The following MBD3 variants were observed in gnomAD, a reference collection of about 807,000 sequenced individuals.
The protein encoded by MBD3 is methyl-CpG binding domain protein 3.
A neutral mutation model predicts 31.2 loss-of-function variants in MBD3; 13 were observed. The observed-to-expected ratio is 0.42, with a 90% CI of 0.27 to 0.66. MBD3 has a LOEUF of 0.66. MBD3 is among the 30% of genes least tolerant of loss of function. The pLI is 0.26. For synonymous variants in MBD3, 223 were observed against 187.4 expected, an observed-to-expected ratio of 1.19 and a Z score of -1.55; for missense variants, 440 against 426.5, an observed-to-expected ratio of 1.03 and a Z score of -0.28.
Position 1,592,687 on chromosome 19 carries a change from T to TCGC in MBD3, c.-59_-57dup, listed in dbSNP as rs1360632181. On this transcript the variant is annotated 5_prime_UTR_variant, in exon 1 of 7. Transcript: ENST00000434436. ...CCGCCGCCGCCGCCCGGACCCCCAC[T>TCGC]CGCCGCCGCCGCCTCAGCTGCCTCC... 4 of 642,078 alleles carry TCGC rather than the reference T, an allele frequency of 6.2e-6. No homozygotes were observed. Among genetic ancestry groups the TCGC allele is most frequent in the African/African-American group, 4.1e-5 (2 of 49,082 alleles). The allele number at this position is 642,078 out of a possible 1,614,324, so 39.8% of individuals were successfully genotyped here.
chr19:1,592,393 G>GACGC lies in MBD3; in HGVS notation c.110+125_110+128dup, dbSNP rs546279272. The GACGC allele has an allele frequency of 4.9e-3, 1,092 of 222,168 alleles. 17 individuals are homozygous for GACGC. The highest frequency in any genetic ancestry group is 0.022 in the African/African-American group (916 of 42,236). The allele number at this position is 222,168 out of a possible 1,614,324, so 13.8% of individuals were successfully genotyped here. ...GCGCGCCGGGCGCACACGCACGCAA[G>GACGC]ACGCACGCACGCACGCACGACGCAC... On this transcript the variant is annotated intron_variant, in intron 1 of 6. Coordinates refer to ENST00000434436, the MANE Select transcript of MBD3 (RefSeq NM_001281453.2).
rs770739351 is a variant in MBD3, at chr19:1,581,160, G to T, written c.609C>A (p.Asn203Lys). The change falls in exon 5 of 7, where the codon AAC (asparagine) becomes AAA (lysine). Residue 203 changes from asparagine (N) to lysine (K), a missense_variant. Transcript: ENST00000434436. ...TGQLSAAVEK[N>K]PGVWLNTTQP... is the part of the protein sequence containing the mutation. ...GCGTGGTGTTGAGCCATACGCCGGG[G>T]TTCTTCTCCACGGCGGCCGAGAGCT... 6.2e-7 allele frequency: 1 copy of T among 1,614,166 alleles called. No homozygotes were observed. Among genetic ancestry groups the T allele is most frequent in the Non-Finnish European group, 8.5e-7 (1 of 1,180,034 alleles).
In MBD3 at chr19:1,576,873, G is replaced by A. The variant is rs986374659; in HGVS notation, c.*1291C>T. The stretch of plus-strand genomic sequence containing the variant: ...CCTTGAGCCCGTCCTGAGGATTTGT[G>A]CTTTGACTCTGACAGGGAGCAGCAG... On this transcript the variant is annotated 3_prime_UTR_variant, in exon 7 of 7. Coordinates refer to ENST00000434436, the MANE Select transcript of MBD3 (RefSeq NM_001281453.2). 2.6e-5 allele frequency: 4 copies of A among 152,342 alleles called. No individual in the cohort carries two copies. The highest frequency in any genetic ancestry group is 6.5e-5 in the Admixed American group (1 of 15,292). The allele number at this position is 152,342 out of a possible 1,614,324, so 9.4% of individuals were successfully genotyped here.
chr19:1,578,259 C>G lies in MBD3; in HGVS notation c.*5+76G>C. 1 of 1,590,800 alleles carries G rather than the reference C, an allele frequency of 6.3e-7. No homozygotes were observed. The highest frequency in any genetic ancestry group is 8.5e-7 in the Non-Finnish European group (1 of 1,174,614). On this transcript the variant is annotated intron_variant, in intron 6 of 6. Transcript: ENST00000434436. The surrounding 1 kb of genome is among the most constrained non-coding windows in gnomAD (Gnocchi z 6.1). The stretch of plus-strand genomic sequence containing the variant: ...AGCTCTTGGGAGGCACCCGTCATCC[C>G]AAGCACATCTGTGTTCACCAGGCAG...
Position 1,576,483 on chromosome 19 carries a change from C to T in MBD3, c.*1681G>A, listed in dbSNP as rs1490546277. 1 of 152,294 alleles carries T rather than the reference C, an allele frequency of 6.6e-6. No individual in the cohort carries two copies. The highest frequency in any genetic ancestry group is 2.4e-5 in the African/African-American group (1 of 41,456). The allele number at this position is 152,294 out of a possible 1,614,324, so 9.4% of individuals were successfully genotyped here. ...CCAGCGGCACCTCAGGGGGCACGGCCCTTGCCCACAGATGCCCAGGCCGGC... is the reference window on the plus strand; with the variant it reads ...CCAGCGGCACCTCAGGGGGCACGGCTCTTGCCCACAGATGCCCAGGCCGGC... On this transcript the variant is annotated 3_prime_UTR_variant, in exon 7 of 7. Transcript: ENST00000434436.
chr19:1,592,635 G>T lies in MBD3; in HGVS notation c.-4C>A, dbSNP rs769174080. 4 of 1,258,774 alleles carry T rather than the reference G, an allele frequency of 3.2e-6. No homozygotes were observed. In the African/African-American group the frequency reaches 4.8e-5, roughly 15 times the overall value. The allele number at this position is 1,258,774 out of a possible 1,614,324, so 78.0% of individuals were successfully genotyped here. A position where few individuals can be genotyped will look rare whatever the true frequency, so the allele number is the denominator to read the frequency against. ...ACTCCCACCTCTTCCGCTCCATTGC[G>T]CCCGGCTCCTCGGCCCGCCGCCGGG... is the stretch of plus-strand genomic sequence containing the variant. On this transcript the variant is annotated 5_prime_UTR_variant, in exon 1 of 7. Transcript: ENST00000434436.
chr19:1,581,533 AG>A, intron 4 of MBD3: 2 of 543,150 alleles, frequency 3.7e-6, no homozygotes, highest in Non-Finnish European at 6.6e-6. Flanking sequence ...GATTGAGCTT[AG>A]GAGTTTGAGA....
chr19:1,575,152 T>C lies in MBD3; in HGVS notation c.*3012A>G. 2.3e-6 allele frequency: 1 copy of C among 428,706 alleles called. No individual in the cohort carries two copies. Among genetic ancestry groups the C allele is most frequent in the Non-Finnish European group, 4.7e-6 (1 of 210,758 alleles). 26.6% of individuals were successfully genotyped at this position (428,706 alleles called of 1,614,324 possible). A position where few individuals can be genotyped will look rare whatever the true frequency, so the allele number is the denominator to read the frequency against. ...TGCTGCTGGCAAGTGCCAGAAGGGC[T>C]GCCATGGTGGTTCACACCTGTAATC... is the stretch of plus-strand genomic sequence containing the variant. On this transcript the variant is annotated 3_prime_UTR_variant, in exon 7 of 7. Coordinates refer to ENST00000434436, the MANE Select transcript of MBD3 (RefSeq NM_001281453.2).
chr19:1,582,824 A>T (rs1296293030), intron 3 of MBD3, 112 bp from the exon 4 acceptor site: 2 of 876,418 alleles, frequency 2.3e-6, no homozygotes. Flanking sequence ...TGTGGGTCCC[A>T]ATGGGGCATC....
At chr19:1,581,941 G>A (rs1003531472) in intron 4 of MBD3, among the ~76,000 whole-genome samples, 1 of 151,974 alleles carries the variant, frequency 6.6e-6, no homozygotes, top group Non-Finnish European at 1.5e-5. Context: ...CTAATTTTTT[G>A]TATTTTTAGT....
chr19:1,581,004 G>T, intron 5 of MBD3, 88 bp downstream of exon 5: 1 of 1,515,894 alleles, frequency 6.6e-7, no homozygotes, highest in East Asian at 2.3e-5. Context: ...TGGGGAGACG[G>T]GAAGCACGCA....
Position 1,574,799 on chromosome 19 carries a change from A to G in MBD3, c.*3365T>C, listed in dbSNP as rs147211650. 5.6e-3 allele frequency: 903 copies of G among 162,472 alleles called. 10 individuals carry two copies. The highest frequency in any genetic ancestry group is 0.021 in the African/African-American group (863 of 41,610). The allele number at this position is 162,472 out of a possible 1,614,324, so 10.1% of individuals were successfully genotyped here. A position where few individuals can be genotyped will look rare whatever the true frequency, so the allele number is the denominator to read the frequency against. On this transcript the variant is annotated 3_prime_UTR_variant, in exon 7 of 7. Transcript: ENST00000434436. ...CTCCTGGAGATTTGCTGTGACAGCCATGAGGGACACACACAGGCGAGGGGC... is the reference window on the plus strand; with the variant it reads ...CTCCTGGAGATTTGCTGTGACAGCCGTGAGGGACACACACAGGCGAGGGGC...
chr19:1,582,821 C>T (rs1383840717), intron 3 of MBD3, 109 bp from the exon 4 acceptor site: 3 of 894,170 alleles, frequency 3.4e-6, no homozygotes, highest in Non-Finnish European at 1.8e-6. Context: ...CCATGTGGGT[C>T]CCAATGGGGC....
chr19:1,592,524 A>G lies in MBD3; in HGVS notation c.108T>C (p.Tyr36=). 1 of 1,414,862 alleles carries G rather than the reference A, an allele frequency of 7.1e-7. No homozygotes were observed. Among genetic ancestry groups the G allele is most frequent in the Non-Finnish European group, 9.5e-7 (1 of 1,057,962 alleles). 87.6% of individuals were successfully genotyped at this position (1,414,862 alleles called of 1,614,324 possible). A position where few individuals can be genotyped will look rare whatever the true frequency, so the allele number is the denominator to read the frequency against. The change falls in exon 1 of 7, where the codon TAT becomes TAC. Residue 36 remains tyrosine (Y), a splice_region_variant and synonymous_variant. Coordinates refer to ENST00000434436, the MANE Select transcript of MBD3 (RefSeq NM_001281453.2). The stretch of plus-strand genomic sequence containing the variant: ...GCGCGGCCGGCGCGCTCATTCACCT[A>G]TAGTAAAAGACATCCCTGTGGCCGG... ...LSAGHRDVFY[Y]SPSGKKFRSK...
In MBD3 at chr19:1,578,348, G is replaced by A. The variant is rs759092422; in HGVS notation, c.868C>T (p.His290Tyr). The change falls in exon 6 of 7, where the codon CAC becomes TAC. Residue 290 changes from histidine to tyrosine, a missense_variant. Transcript: ENST00000434436. The surrounding 1 kb of genome is among the most constrained non-coding windows in gnomAD (Gnocchi z 6.1). ...EEPDPDPEMEHV is the reference protein window; with the variant it reads ...EEPDPDPEMEYV Reference sequence around the variant, plus strand: ...GCCCCGCAGCACCTGCCCTAGACGTGCTCCATCTCCGGGTCCGGGTCGGGC... The same window carrying A: ...GCCCCGCAGCACCTGCCCTAGACGTACTCCATCTCCGGGTCCGGGTCGGGC... 6.2e-7 allele frequency: 1 copy of A among 1,603,426 alleles called. No individual in the cohort carries two copies. Among genetic ancestry groups the A allele is most frequent in the South Asian group, 1.1e-5 (1 of 91,048 alleles).
rs1395279902 is a variant in MBD3, at chr19:1,585,009, C to T, written c.270+46G>A. ...GCTCACGTCATGGCCGCGTCCCCGC[C>T]TAGAACGCCCCGCGCCGACGTCACC... is the stretch of plus-strand genomic sequence containing the variant. On this transcript the variant is annotated intron_variant, in intron 2 of 6. Transcript: ENST00000434436. This position sits in a 1 kb window ranked among gnomAD's most constrained non-coding sequence, Gnocchi z 4.1. The T allele has an allele frequency of 6.2e-7, 1 of 1,603,578 alleles. No homozygotes were observed. The highest frequency in any genetic ancestry group is 8.5e-7 in the Non-Finnish European group (1 of 1,178,668).
rs1915996747 is a variant in MBD3 at position 1,575,347 on chromosome 19, C to T, written c.*2817G>A. ...CCCAGAAGGTGGAGGTTGCAGTGAGCCCAGATCACGCCACTGCACTCCAGC... is the reference window on the plus strand; with the variant it reads ...CCCAGAAGGTGGAGGTTGCAGTGAGTCCAGATCACGCCACTGCACTCCAGC... On this transcript the variant is annotated 3_prime_UTR_variant, in exon 7 of 7. Coordinates refer to ENST00000434436, the MANE Select transcript of MBD3 (RefSeq NM_001281453.2). 2 of 433,442 alleles carry T rather than the reference C, an allele frequency of 4.6e-6. No homozygotes were observed. The highest frequency in any genetic ancestry group is 2.0e-5 in the African/African-American group (1 of 49,424). The allele number at this position is 433,442 out of a possible 1,614,324, so 26.8% of individuals were successfully genotyped here.
intron 1 of MBD3, among the ~76,000 whole-genome samples, chr19:1,590,369 C>G (rs2060698088): frequency 6.6e-6 from 1 of 152,208 alleles, no homozygotes; most frequent in Non-Finnish European, 1.5e-5. Flanking sequence ...TGCCTGTAAT[C>G]CCAGCACTTT....
intron 5 of MBD3, among the ~76,000 whole-genome samples, chr19:1,579,959 T>C (rs11673199): frequency 2.6e-5 from 4 of 152,182 alleles, no homozygotes; most frequent in Admixed American, 2.6e-4. Context: ...GGTTTCACCA[T>C]GTTGGCCAGG....
Sources: allele counts gnomAD v4.1 joint callset (sites outside exome capture counted in the v4.1 genomes callset), GRCh38; gene constraint gnomAD v4.1.1; non-coding constraint Gnocchi (gnomAD v3.1); transcripts MANE v1.5; gene names NCBI Gene and HGNC (gene_info 2026-07-23, HGNC 2026-07-21).